KLRG2: variants seen among roughly 807,000 people sequenced by gnomAD.
The protein encoded by KLRG2 is killer cell lectin-like receptor subfamily G member 2.
KLRG2 carries 39 observed loss-of-function variants against 35.4 expected under a neutral mutation model. That is an observed-to-expected ratio of 1.10 (90% CI 0.85 to 1.44). The LOEUF is 1.44. KLRG2 is among the 40% of genes most tolerant of loss of function. KLRG2 has a pLI of 0.00. For missense variants in KLRG2, 632 were observed against 570.9 expected, an observed-to-expected ratio of 1.11 and a Z score of -1.09; for synonymous variants, 283 against 265.8, an observed-to-expected ratio of 1.06 and a Z score of -0.63.
chr7:139,445,797 G>GTATATATATATATATATATGTA, the KLRG2 span, among the ~76,000 whole-genome samples: 6 of 99,038 alleles, frequency 6.1e-5, no homozygotes, highest in East Asian at 2.4e-4. Flanking sequence ...ATATATGTGT[G>GTATATATATATATATATATGTA]TATATATATA....
chr7:139,439,513 G>T, the KLRG2 span, among the ~76,000 whole-genome samples: 1 of 152,182 alleles, frequency 6.6e-6, no homozygotes, highest in East Asian at 1.9e-4. Context: ...TTGTGTGCAT[G>T]ATCTGCTTCG....
chr7:139,440,673 C>A, the KLRG2 span, among the ~76,000 whole-genome samples: 1 of 151,996 alleles, frequency 6.6e-6, no homozygotes, highest in African/African-American at 2.4e-5. Context: ...TGGTCTTAGA[C>A]CCCAGGGCTC....
At chr7:139,439,864 A>T in the KLRG2 span, among the ~76,000 whole-genome samples, 10 of 152,002 alleles carry the variant, frequency 6.6e-5, no homozygotes, top group Non-Finnish European at 1.5e-4. Context: ...GCTTTTGTTT[A>T]AAAAAAATAA....
chr7:139,478,396 G>A (rs1281715782), intron 3 of KLRG2, among the ~76,000 whole-genome samples: 21 of 141,702 alleles, frequency 1.5e-4, no homozygotes, highest in African/African-American at 4.5e-4. Context: ...AACACTGGAC[G>A]CAGTGGCTCA....
At chr7:139,429,128 A>G in the KLRG2 span, among the ~76,000 whole-genome samples, 1 of 152,160 alleles carries the variant, frequency 6.6e-6, no homozygotes, top group African/African-American at 2.4e-5. Context: ...CAACACGGTG[A>G]AACTCCATTT....
intron 3 of KLRG2, among the ~76,000 whole-genome samples, chr7:139,466,310 G>A (rs112449781): frequency 7.2e-5 from 11 of 152,136 alleles, no homozygotes; most frequent in African/African-American, 1.9e-4. Flanking sequence ...GGCCACCGCG[G>A]TCATTTCTTC....
chr7:139,449,105 C>CAA (rs538184692), downstream of KLRG2, among the ~76,000 whole-genome samples: 30 of 130,464 alleles, frequency 2.3e-4, no homozygotes, highest in African/African-American at 6.8e-4. Context: ...CACTCCGTCT[C>CAA]AAAAAAAAAA....
chr7:139,454,154 G>A lies in KLRG2; in HGVS notation c.1066C>T (p.Gln356Ter), dbSNP rs1252200943. 6.5e-7 allele frequency: 1 copy of A among 1,545,502 alleles called. No individual in the cohort carries two copies. The highest frequency in any genetic ancestry group is 2.4e-5 in the East Asian group (1 of 40,844). Reference protein sequence around the residue: ...HSWVGAWRGPQGWHWIDEAPL... With the variant: ...HSWVGAWRGP The stretch of plus-strand genomic sequence containing the variant: ...GCCTCGTCGATCCAGTGCCAGCCCT[G>A]GGGGCCTCGCCAGGCCCCCACCCAG... Residue 356 changes from glutamine to a stop codon, truncating the protein, a stop_gained, in exon 4 of 5, where the codon CAG becomes TAG. Transcript: ENST00000340940. LOFTEE classifies it low-confidence loss of function (END_TRUNC).
chr7:139,428,142 C>T, the KLRG2 span, among the ~76,000 whole-genome samples: 1 of 152,176 alleles, frequency 6.6e-6, no homozygotes, highest in Non-Finnish European at 1.5e-5. Flanking sequence ...AGTACTGTCC[C>T]ATTTCCAGCA....
At chr7:139,478,987 A>G (rs2116480488) in intron 3 of KLRG2, among the ~76,000 whole-genome samples, 1 of 152,262 alleles carries the variant, frequency 6.6e-6, no homozygotes, top group South Asian at 2.1e-4. Context: ...GCACTTTGGG[A>G]GGCTAAGGAA....
At chr7:139,454,031 G>T in intron 4 of KLRG2, 80 bp downstream of exon 4, 1 of 918,586 alleles carries the variant, frequency 1.1e-6, no homozygotes, top group South Asian at 1.4e-5. Context: ...CAGGCTAGGG[G>T]AGCAGCAAGG....
chr7:139,478,156 T>A (rs185162321), intron 3 of KLRG2, among the ~76,000 whole-genome samples: 381 of 144,086 alleles, frequency 2.6e-3, no homozygotes, highest in African/African-American at 9.3e-3. Flanking sequence ...ATCGCTTGAG[T>A]CCAGGAGTTT....
At chr7:139,446,807 T>C in the KLRG2 span, among the ~76,000 whole-genome samples, 1 of 151,882 alleles carries the variant, frequency 6.6e-6, no homozygotes, top group South Asian at 2.1e-4. Context: ...CTCCTCCTCC[T>C]TCACCCCTGA....
chr7:139,454,539 G>C (rs572102952), intron 3 of KLRG2, among the ~76,000 whole-genome samples: 3 of 152,214 alleles, frequency 2.0e-5, no homozygotes, highest in African/African-American at 7.2e-5. Flanking sequence ...GAGGTGGTCA[G>C]GCACGGTGGC....
At chr7:139,443,094 CTTTTT>C in the KLRG2 span, among the ~76,000 whole-genome samples, 1 of 120,580 alleles carries the variant, frequency 8.3e-6, no homozygotes. Context: ...GGAAAAAAAA[CTTTTT>C]TTTTTTTTTT....
At chr7:139,449,660 T>A (rs1246121139), downstream of KLRG2, among the ~76,000 whole-genome samples, 1 of 151,634 alleles carries the variant, frequency 6.6e-6, no homozygotes, top group Non-Finnish European at 1.5e-5. Flanking sequence ...TATACACCTG[T>A]ACAAAAATAT....
chr7:139,469,215 G>A (rs139553631), intron 3 of KLRG2, among the ~76,000 whole-genome samples: 9 of 152,214 alleles, frequency 5.9e-5, no homozygotes, highest in Middle Eastern at 6.8e-3. Context: ...GCTGGAGTGC[G>A]GTGGTGCGAT....
intron 3 of KLRG2, among the ~76,000 whole-genome samples, chr7:139,476,550 A>G (rs1197833750): frequency 2.0e-5 from 3 of 151,542 alleles, no homozygotes; most frequent in African/African-American, 4.9e-5. Context: ...AGCGATTCCC[A>G]TGCCTCAGCC....
chr7:139,483,419 G>A lies in KLRG2; in HGVS notation c.224C>T (p.Pro75Leu), dbSNP rs865980814. The change falls in exon 1 of 5, where the codon CCC (proline) becomes CTC (leucine). Residue 75 changes from proline to leucine, a missense_variant. Transcript: ENST00000340940. The stretch of plus-strand genomic sequence containing the variant: ...GAGCGGCGGCACGCGCGGGGACCCG[G>A]GGCGAGGCGAAGGCGGCTTTTTCTT... ...SSKKKPPSPR[P>L]GSPRVPPLSL... The A allele has an allele frequency of 3.2e-6, 5 of 1,555,428 alleles. No individual in the cohort carries two copies. The highest frequency in any genetic ancestry group is 4.9e-5 in the East Asian group (2 of 41,214).
Sources: allele counts gnomAD v4.1 joint callset (sites outside exome capture counted in the v4.1 genomes callset), GRCh38; gene constraint gnomAD v4.1.1; transcripts MANE v1.5; gene names NCBI Gene and HGNC (gene_info 2026-07-23, HGNC 2026-07-21).